The following SLC22A23 variants were observed in gnomAD, a reference collection of about 807,000 sequenced individuals.
SLC22A23 encodes ion transporter protein.
A neutral mutation model predicts 61.0 loss-of-function variants in SLC22A23; 26 were observed. The observed-to-expected ratio is 0.43, with a 90% CI of 0.31 to 0.59. The LOEUF (loss-of-function observed/expected upper bound fraction) is 0.59, where lower values mean the gene tolerates loss of function less well. Ranked by LOEUF, SLC22A23 falls within the 20% of genes least tolerant of loss-of-function variation. The probability of loss-of-function intolerance (pLI) is 0.11; values close to 1 mark genes in which losing one functional copy is unlikely to be tolerated. For synonymous variants in SLC22A23, 430 were observed against 413.9 expected (o/e 1.04, Z -0.47); for missense variants, 796 against 934.7 (o/e 0.85, Z 1.94).
rs373261795 is a variant in SLC22A23, at chr6:3,451,662, C to T, written c.654+4244G>A. 8.5e-5 allele frequency among the ~76,000 whole-genome samples: 13 copies of T among 152,132 alleles called. No individual in the cohort carries two copies. In the East Asian group the frequency reaches 9.6e-4, roughly 11 times the overall value. ...GAAGCAAGCCAACTGAGCTGAGCTG[C>T]GGCCCTGTTTGTCCTTAGCTCTCCA... On this transcript the variant is annotated intron_variant, in intron 1 of 9. Coordinates refer to ENST00000406686, the MANE Select transcript of SLC22A23 (RefSeq NM_015482.2).
chr6:3,288,728 C>T (rs1052273777), intron 6 of SLC22A23, among the ~76,000 whole-genome samples: 3 of 152,266 alleles, frequency 2.0e-5, no homozygotes, highest in Admixed American at 2.0e-4. Flanking sequence ...ACAGTGCCGC[C>T]AGCTCACCCA....
intron 1 of SLC22A23, among the ~76,000 whole-genome samples, chr6:3,435,300 C>T (rs1452627848): frequency 6.6e-6 from 1 of 151,876 alleles, no homozygotes; most frequent in African/African-American, 2.4e-5. Flanking sequence ...TTCCCTCTCC[C>T]TTCCTCATCT....
chr6:3,374,026 G>T (rs1158108032), intron 3 of SLC22A23, among the ~76,000 whole-genome samples: 1 of 152,196 alleles, frequency 6.6e-6, no homozygotes, highest in African/African-American at 2.4e-5. Context: ...TCTGCCCAAG[G>T]TCACAAGGCT....
At position 3,456,381 on chromosome 6, in the gene SLC22A23, C is replaced by T. The variant is rs1772409620; in HGVS notation, c.179G>A (p.Gly60Asp). ...IQPLPPLHPGGGPHPSCCSAA... is the reference protein window; with the variant it reads ...IQPLPPLHPGDGPHPSCCSAA... Reference sequence around the variant, plus strand: ...GGAGCAGCAGCTCGGGTGCGGGCCGCCTCCAGGATGCAGTGGGGGCAGCGG... The same window carrying T: ...GGAGCAGCAGCTCGGGTGCGGGCCGTCTCCAGGATGCAGTGGGGGCAGCGG... Residue 60 changes from glycine to aspartate, a missense_variant, in exon 1 of 10, where the codon GGC becomes GAC. Transcript: ENST00000406686. The surrounding 1 kb of genome is among the most constrained non-coding windows in gnomAD (Gnocchi z 7.1). 7 of 1,537,640 alleles carry T rather than the reference C, an allele frequency of 4.6e-6. No individual in the cohort carries two copies. In the African/African-American group the frequency reaches 5.5e-5, roughly 12 times the overall value.
chr6:3,441,087 G>A (rs150875690), intron 1 of SLC22A23, among the ~76,000 whole-genome samples: 3 of 152,328 alleles, frequency 2.0e-5, no homozygotes, highest in African/African-American at 7.2e-5. Flanking sequence ...CTTGGCAGGA[G>A]CTCAGACATG....
chr6:3,289,087 G>A (rs530266804), intron 6 of SLC22A23, among the ~76,000 whole-genome samples: 60 of 152,288 alleles, frequency 3.9e-4, no homozygotes, highest in African/African-American at 1.3e-3. Flanking sequence ...CCTTCCCTCC[G>A]CCACCTTGGT....
chr6:3,362,907 C>G (rs1458053906), intron 3 of SLC22A23, among the ~76,000 whole-genome samples: 1 of 152,192 alleles, frequency 6.6e-6, no homozygotes, highest in African/African-American at 2.4e-5. Flanking sequence ...ATGACCACCT[C>G]TTTGTTTCCA....
intron 1 of SLC22A23, among the ~76,000 whole-genome samples, chr6:3,426,193 C>A (rs1770476392): frequency 6.6e-6 from 1 of 152,244 alleles, no homozygotes; most frequent in Middle Eastern, 3.4e-3. Context: ...ATGATCAACT[C>A]CCTATTTTAA....
rs60880355 is a variant in SLC22A23 at position 3,414,721 on chromosome 6, C to CAAAAAA, written c.758+1025_758+1030dup. 2.2e-5 allele frequency among the ~76,000 whole-genome samples: 2 copies of CAAAAAA among 89,512 alleles called. No individual in the cohort carries two copies. The highest frequency in any genetic ancestry group is 4.4e-5 in the African/African-American group (1 of 22,840). 58.7% of individuals were successfully genotyped at this position (89,512 alleles called of 152,430 possible). ...TCAAGGCCAAGATGTCTCGATTCAC[C>CAAAAAA]AAAAAAAAAAAAAAAAAAAAAAATC... is the stretch of plus-strand genomic sequence containing the variant. On this transcript the variant is annotated intron_variant, in intron 2 of 9. Transcript: ENST00000406686. This position sits in a 1 kb window ranked among gnomAD's most constrained non-coding sequence, Gnocchi z 5.1.
rs183168306 is a variant in SLC22A23, at chr6:3,384,273, C to A, written c.913+25915G>T. Among the ~76,000 whole-genome samples the A allele has an allele frequency of 2.6e-3, 392 of 152,320 alleles. 2 individuals carry two copies. Among genetic ancestry groups the A allele is most frequent in the Non-Finnish European group, 4.7e-3 (319 of 68,034 alleles). On this transcript the variant is annotated intron_variant, in intron 3 of 9. Coordinates refer to ENST00000406686, the MANE Select transcript of SLC22A23 (RefSeq NM_015482.2). ...GCTCCTTCTCTAAAGTAAACAATCT[C>A]CTATCATACGTCTGCTTTATAAAAA...
intron 4 of SLC22A23, among the ~76,000 whole-genome samples, chr6:3,299,308 T>C (rs1047254703): frequency 6.6e-6 from 1 of 152,184 alleles, no homozygotes; most frequent in Non-Finnish European, 1.5e-5. Flanking sequence ...TAAATAGTAA[T>C]AGAATGATTT....
intron 3 of SLC22A23, among the ~76,000 whole-genome samples, chr6:3,348,184 T>G (rs1004364890): frequency 1.1e-4 from 17 of 152,272 alleles, no homozygotes; most frequent in African/African-American, 3.9e-4. Context: ...CTCTAATCCT[T>G]GGTGCCTGCA....
chr6:3,396,860 C>G (rs1168071014), intron 3 of SLC22A23, among the ~76,000 whole-genome samples: 1 of 152,254 alleles, frequency 6.6e-6, no homozygotes, highest in African/African-American at 2.4e-5. Context: ...TGCACTCATT[C>G]TCCAAACCCA....
At chr6:3,336,076 G>A (rs760381539) in intron 3 of SLC22A23, among the ~76,000 whole-genome samples, 4 of 148,318 alleles carry the variant, frequency 2.7e-5, no homozygotes, top group African/African-American at 5.1e-5. Context: ...GCGAAAGAGC[G>A]AGACTCCATC....
At chr6:3,435,110 C>A (rs1771121066) in intron 1 of SLC22A23, among the ~76,000 whole-genome samples, 1 of 152,130 alleles carries the variant, frequency 6.6e-6, no homozygotes, top group Non-Finnish European at 1.5e-5. Context: ...CCCAGAGGGG[C>A]AGTGTGCAGG....
chr6:3,299,233 T>C (rs1458361365), intron 4 of SLC22A23, among the ~76,000 whole-genome samples: 4 of 152,218 alleles, frequency 2.6e-5, no homozygotes, highest in Non-Finnish European at 4.4e-5. Flanking sequence ...AAAGTAACCA[T>C]AGATTTCTAA....
chr6:3,283,927 A>G lies in SLC22A23; in HGVS notation c.1628T>C (p.Val543Ala), dbSNP rs1314820321. Reference sequence around the variant, plus strand: ...CACCGCATGGGAGGCAAACATGCCCACGATGGAAAACGCGATGGAAAATTT... The same window carrying G: ...CACCGCATGGGAGGCAAACATGCCCGCGATGGAAAACGCGATGGAAAATTT... The part of the protein sequence containing the change: ...KDKFSIAFSI[V>A]GMFASHAVGS... The change falls in exon 9 of 10, where the codon GTG becomes GCG. Residue 543 changes from valine (V) to alanine (A), a missense_variant. Coordinates refer to ENST00000406686, the MANE Select transcript of SLC22A23 (RefSeq NM_015482.2). The G allele has an allele frequency of 3.1e-6, 5 of 1,609,382 alleles. No homozygotes were observed. The highest frequency in any genetic ancestry group is 4.3e-6 in the Non-Finnish European group (5 of 1,176,032).
rs1762768397 is a variant in SLC22A23, at chr6:3,318,490, G to GCCTCA, written c.1082+5339_1082+5343dup. 6.6e-6 allele frequency among the ~76,000 whole-genome samples: 1 copy of GCCTCA among 152,088 alleles called. No individual in the cohort carries two copies. The highest frequency in any genetic ancestry group is 2.4e-5 in the African/African-American group (1 of 41,402). On this transcript the variant is annotated intron_variant, in intron 4 of 9. Transcript: ENST00000406686. The surrounding 1 kb of genome is among the most constrained non-coding windows in gnomAD (Gnocchi z 4.3). ...TGCCAAAACTCATCCTGCACACCCTGCCTCACCTGCTGCTCCCACAGAAAC... is the reference window on the plus strand; with the variant it reads ...TGCCAAAACTCATCCTGCACACCCTGCCTCACCTCACCTGCTGCTCCCACAGAAAC...
intron 3 of SLC22A23, among the ~76,000 whole-genome samples, chr6:3,325,817 T>C (rs1763247043): frequency 6.6e-6 from 1 of 152,242 alleles, no homozygotes; most frequent in Non-Finnish European, 1.5e-5. Context: ...CATGGGCTAG[T>C]ATCAGATAAG....
Sources: allele counts gnomAD v4.1 joint callset (sites outside exome capture counted in the v4.1 genomes callset), GRCh38; gene constraint gnomAD v4.1.1; non-coding constraint Gnocchi (gnomAD v3.1); transcripts MANE v1.5; gene names NCBI Gene and HGNC (gene_info 2026-07-23, HGNC 2026-07-21).